The following SLCO6A1 variants were observed in gnomAD, a reference collection of about 807,000 sequenced individuals.
The protein encoded by SLCO6A1 is cancer/testis antigen 48.
Under a neutral mutation model 72.7 loss-of-function variants are expected in SLCO6A1, and 65 were observed. The observed-to-expected ratio is 0.89, with a 90% CI of 0.73 to 1.10. SLCO6A1 has a LOEUF of 1.10. SLCO6A1 is among the 50% of genes least tolerant of loss of function. SLCO6A1 has a pLI of 0.00. For missense variants in SLCO6A1, 874 were observed against 872.6 expected (o/e 1.00, Z -0.02); for synonymous variants, 314 against 298.2 (o/e 1.05, Z -0.55).
intron 4 of SLCO6A1, among the ~76,000 whole-genome samples, chr5:102,463,477 T>C (rs2112775557): frequency 6.6e-6 from 1 of 152,336 alleles, no homozygotes; most frequent in East Asian, 1.9e-4. Context: ...TACATGTTTA[T>C]AGCAGCACAA....
intron 1 of SLCO6A1, among the ~76,000 whole-genome samples, chr5:102,482,708 T>C (rs1177954698): frequency 6.6e-6 from 1 of 152,220 alleles, no homozygotes; most frequent in African/African-American, 2.4e-5. Context: ...AGTTCCTTAA[T>C]TAGAAGCAAT....
chr5:102,426,170 A>G (rs1748880954), intron 7 of SLCO6A1, among the ~76,000 whole-genome samples: 1 of 152,216 alleles, frequency 6.6e-6, no homozygotes, highest in Non-Finnish European at 1.5e-5. Context: ...AAAACCCTAG[A>G]GGAAAACCTA....
chr5:102,465,955 C>T (rs1751288146), intron 4 of SLCO6A1, among the ~76,000 whole-genome samples: 1 of 152,098 alleles, frequency 6.6e-6, no homozygotes, highest in Non-Finnish European at 1.5e-5. Flanking sequence ...ACAGCAGAAA[C>T]CCATTCCTCC....
chr5:102,373,000 A>G (rs1280025495), intron 13 of SLCO6A1, among the ~76,000 whole-genome samples: 1 of 151,920 alleles, frequency 6.6e-6, no homozygotes, highest in Non-Finnish European at 1.5e-5. Flanking sequence ...CAAAAGTACT[A>G]AGAATAAGCT....
chr5:102,496,383 G>A (rs575652859), intron 1 of SLCO6A1, among the ~76,000 whole-genome samples: 7 of 152,166 alleles, frequency 4.6e-5, no homozygotes, highest in Middle Eastern at 3.4e-3. Flanking sequence ...GAAAAATGAA[G>A]AGAGATACCA....
intron 1 of SLCO6A1, among the ~76,000 whole-genome samples, chr5:102,482,955 T>C (rs908322357): frequency 6.6e-6 from 1 of 152,174 alleles, no homozygotes; most frequent in Non-Finnish European, 1.5e-5. Context: ...TGACTCTTCC[T>C]GGTAGCAAGG....
chr5:102,475,642 T>C (rs4703232), intron 4 of SLCO6A1, 55 bp downstream of exon 4: 700,005 of 1,100,358 alleles, frequency 0.64, 225,200 homozygotes, highest in African/African-American at 0.66. Flanking sequence ...CTATGGTAGC[T>C]ATTTAGTAAG....
At chr5:102,397,022 T>C (rs1747123072) in intron 10 of SLCO6A1, among the ~76,000 whole-genome samples, 9 of 152,160 alleles carry the variant, frequency 5.9e-5, no homozygotes, top group Admixed American at 5.9e-4. Context: ...ATTGTTACAG[T>C]GTGGATTAAG....
chr5:102,438,843 G>T, intron 6 of SLCO6A1, 82 bp from the exon 7 acceptor site: 4 of 1,024,100 alleles, frequency 3.9e-6, no homozygotes, highest in Non-Finnish European at 5.3e-6. Context: ...CTAATGATCT[G>T]TCTACAAAAA....
intron 4 of SLCO6A1, among the ~76,000 whole-genome samples, chr5:102,466,300 G>A (rs1751308066): frequency 6.6e-6 from 1 of 151,888 alleles, no homozygotes; most frequent in Non-Finnish European, 1.5e-5. Context: ...TCCTGCATTA[G>A]TTTACTAAGG....
At chr5:102,391,295 C>T (rs2112521758) in intron 10 of SLCO6A1, 2 of 446,428 alleles carry the variant, frequency 4.5e-6, no homozygotes, top group Non-Finnish European at 8.0e-6. Flanking sequence ...TGGCCCAAAT[C>T]CTCTTCCCCA....
At chr5:102,387,435 T>C (rs1260846584) in intron 12 of SLCO6A1, among the ~76,000 whole-genome samples, 2 of 152,222 alleles carry the variant, frequency 1.3e-5, no homozygotes, top group Non-Finnish European at 2.9e-5. Flanking sequence ...CATGTTACAA[T>C]TGTATCTAAA....
intron 10 of SLCO6A1, among the ~76,000 whole-genome samples, chr5:102,399,344 T>A (rs1439376417): frequency 2.0e-5 from 3 of 152,088 alleles, no homozygotes; most frequent in Admixed American, 2.0e-4. Context: ...AAATTAAAGT[T>A]AAACAATGTG....
intron 6 of SLCO6A1, among the ~76,000 whole-genome samples, chr5:102,440,487 C>T (rs1027642954): frequency 2.6e-5 from 4 of 152,124 alleles, no homozygotes; most frequent in Non-Finnish European, 5.9e-5. Flanking sequence ...GGAAAACAAG[C>T]TTAGGGCTCC....
intron 6 of SLCO6A1, among the ~76,000 whole-genome samples, chr5:102,446,379 T>C (rs1750108622): frequency 6.6e-6 from 1 of 152,180 alleles, no homozygotes; most frequent in South Asian, 2.1e-4. Context: ...TTGGACATTA[T>C]TGGTGTAGAG....
chr5:102,382,387 T>C (rs1746157564), intron 12 of SLCO6A1, among the ~76,000 whole-genome samples: 1 of 151,796 alleles, frequency 6.6e-6, no homozygotes, highest in Non-Finnish European at 1.5e-5. Context: ...ACTATAGCTT[T>C]GTAGTATATG....
chr5:102,473,458 A>C (rs1447158827), intron 4 of SLCO6A1, among the ~76,000 whole-genome samples: 2 of 152,048 alleles, frequency 1.3e-5, no homozygotes, highest in African/African-American at 2.4e-5. Context: ...CTAGGAATAC[A>C]AGGAAATTAC....
chr5:102,373,932 A>G (rs531846372), intron 12 of SLCO6A1, among the ~76,000 whole-genome samples: 1 of 152,314 alleles, frequency 6.6e-6, no homozygotes, highest in East Asian at 1.9e-4. Flanking sequence ...TCATGTTTCA[A>G]GCTGCAGAAA....
intron 7 of SLCO6A1, among the ~76,000 whole-genome samples, chr5:102,431,003 T>C (rs940159974): frequency 3.9e-5 from 6 of 152,162 alleles, no homozygotes; most frequent in Non-Finnish European, 8.8e-5. Flanking sequence ...GAATTTAATT[T>C]CTTCCTAGAT....
Sources: allele counts gnomAD v4.1 joint callset (sites outside exome capture counted in the v4.1 genomes callset), GRCh38; gene constraint gnomAD v4.1.1; transcripts MANE v1.5; gene names NCBI Gene and HGNC (gene_info 2026-07-23, HGNC 2026-07-21).